SLCO4A1: variants seen among roughly 807,000 people sequenced by gnomAD.
SLCO4A1 encodes solute carrier organic anion transporter family member 4A1, also known as colon organic anion transporter.
Under a neutral mutation model 64.6 loss-of-function variants are expected in SLCO4A1, and 51 were observed. The ratio of observed to expected loss-of-function variants is 0.79; its 90% confidence interval spans 0.63 to 1.00. SLCO4A1 has a LOEUF of 1.00. SLCO4A1 is among the 50% of genes least tolerant of loss of function. SLCO4A1 has a pLI of 0.00. For missense variants in SLCO4A1, 919 were observed against 980.5 expected (o/e 0.94, Z 0.84); for synonymous variants, 471 against 444.9 (o/e 1.06, Z -0.74).
rs192519907 is a variant in SLCO4A1 at position 62,664,905 on chromosome 20, C to T, written c.1122-29C>T. 5 of 1,563,090 alleles carry T rather than the reference C, an allele frequency of 3.2e-6. 1 individual carries two copies. In the South Asian group the frequency reaches 4.9e-5, roughly 15 times the overall value. ...TCTGCCCACCACTCTGACCCTCAGT[C>T]TCTTCTCCACACCCCCACCTCTGCC... On this transcript the variant is annotated intron_variant, in intron 5 of 11. Coordinates refer to ENST00000217159, the MANE Select transcript of SLCO4A1 (RefSeq NM_016354.4).
chr20:62,667,958 G>T (rs778133554), intron 8 of SLCO4A1, 48 bp downstream of exon 8: 1 of 1,614,008 alleles, frequency 6.2e-7, no homozygotes, highest in South Asian at 1.1e-5. Flanking sequence ...TGGACCCTGG[G>T]AAGGGGCCCC....
rs1400521431 is a variant in SLCO4A1 at position 62,661,109 on chromosome 20, T to A, written c.1055T>A (p.Leu352Ter). The part of the protein sequence containing the change: ...AVMRAAEMHQ[L>*]KDSSRGEASN... ...ATGAGAGCGGCGGAAATGCACCAGT[T>A]GAAGGACAGCAGCCGTGGGGAGGCG... Residue 352 changes from leucine to a stop codon, truncating the protein, a stop_gained, in exon 5 of 12, where the codon TTG becomes TAG. Coordinates refer to ENST00000217159, the MANE Select transcript of SLCO4A1 (RefSeq NM_016354.4). LOFTEE classifies it high-confidence loss of function. The surrounding 1 kb of genome is among the most constrained non-coding windows in gnomAD (Gnocchi z 5.2). 5 of 1,555,544 alleles carry A rather than the reference T, an allele frequency of 3.2e-6. No homozygotes were observed. The highest frequency in any genetic ancestry group is 3.5e-6 in the Non-Finnish European group (4 of 1,143,184).
At chr20:62,675,323 G>A (rs1555919538), downstream of SLCO4A1, among the ~76,000 whole-genome samples, 1 of 152,124 alleles carries the variant, frequency 6.6e-6, no homozygotes, top group Non-Finnish European at 1.5e-5. Context: ...CCCTTCCCAG[G>A]TCCAGGAGGG....
At chr20:62,650,164 T>A (rs1982201646) in intron 1 of SLCO4A1, 2 of 152,260 alleles carry the variant, frequency 1.3e-5, no homozygotes, top group Admixed American at 1.3e-4. Context: ...AGGGACCAGC[T>A]TGGGAAGCTG....
rs1981018711 is a variant in SLCO4A1, at chr20:62,644,791, G to A, written c.-97+2238G>A. Among the ~76,000 whole-genome samples the A allele has an allele frequency of 6.6e-6, 1 of 152,242 alleles. No individual in the cohort carries two copies. The highest frequency in any genetic ancestry group is 2.4e-5 in the African/African-American group (1 of 41,472). ...CCTGGCTTCCTGGACTCGTCCACTG[G>A]AACGTGTTGGGTCCTGGTGCTCTCC... On this transcript the variant is annotated intron_variant, in intron 1 of 11. Coordinates refer to ENST00000217159, the MANE Select transcript of SLCO4A1 (RefSeq NM_016354.4). The surrounding 1 kb of genome is among the most constrained non-coding windows in gnomAD (Gnocchi z 5.4).
intron 10 of SLCO4A1, 71 bp from the exon 11 acceptor site, chr20:62,668,859 C>T (rs1986844419): frequency 6.7e-7 from 1 of 1,501,152 alleles, no homozygotes; most frequent in South Asian, 1.2e-5. Context: ...TTCCAGGCCT[C>T]TTGGCTGCCT....
chr20:62,661,425 G>A lies in SLCO4A1; in HGVS notation c.1121+250G>A, dbSNP rs768198694. ...GCCGGGGCCTCGGCCCGCACCCAGG[G>A]AGCCATCACTTCACTCATACAGTGT... On this transcript the variant is annotated intron_variant, in intron 5 of 11. Coordinates refer to ENST00000217159, the MANE Select transcript of SLCO4A1 (RefSeq NM_016354.4). This position sits in a 1 kb window ranked among gnomAD's most constrained non-coding sequence, Gnocchi z 5.2. Among the ~76,000 whole-genome samples, 3 of 152,212 alleles carry A rather than the reference G, an allele frequency of 2.0e-5. No homozygotes were observed. Among genetic ancestry groups the A allele is most frequent in the Non-Finnish European group, 2.9e-5 (2 of 67,990 alleles).
At chr20:62,688,422 C>A (rs1311566271), downstream of SLCO4A1, among the ~76,000 whole-genome samples, 1 of 152,212 alleles carries the variant, frequency 6.6e-6, no homozygotes, top group African/African-American at 2.4e-5. Flanking sequence ...ACCCTGCTCA[C>A]CCCAACCCCG....
At chr20:62,677,537 G>A (rs1458159972) in intron 2 of SLCO4A1, among the ~76,000 whole-genome samples, 1 of 150,808 alleles carries the variant, frequency 6.6e-6, no homozygotes, top group African/African-American at 2.4e-5. Flanking sequence ...GCAGAAAGGG[G>A]GCTTGAGACC....
chr20:62,681,804 C>A lies in SLCO4A1; in HGVS notation n.212-3637C>A, dbSNP rs959461541. 2.9e-4 allele frequency among the ~76,000 whole-genome samples: 44 copies of A among 152,142 alleles called. 1 individual carries two copies. Among genetic ancestry groups the A allele is most frequent in the Middle Eastern group, 3.4e-3 (1 of 294 alleles). The stretch of plus-strand genomic sequence containing the variant: ...TGAAGACATCTAGGCCCGGAGATTT[C>A]TTTTTCAGAAGGTCTCACTGAAAAA... On this transcript the variant is annotated intron_variant and non_coding_transcript_variant, in intron 2 of 2. Transcript: ENST00000466818.
intron 5 of SLCO4A1, chr20:62,663,175 C>T (rs915041588): frequency 4.6e-5 from 7 of 152,220 alleles, no homozygotes; most frequent in Non-Finnish European, 8.8e-5. Context: ...GAGTTTCTGA[C>T]GCCAACATCA....
At chr20:62,669,164 AC>A in intron 11 of SLCO4A1, 86 bp downstream of exon 11, 1 of 1,324,564 alleles carries the variant, frequency 7.5e-7, no homozygotes, top group Non-Finnish European at 1.1e-6. Flanking sequence ...AGCAGCTTGG[AC>A]CACAGCCTAG....
intron 1 of SLCO4A1, among the ~76,000 whole-genome samples, chr20:62,652,743 C>T (rs896019269): frequency 1.2e-4 from 18 of 152,208 alleles, no homozygotes; most frequent in Admixed American, 2.0e-4. Context: ...AATAAACCCC[C>T]GGGTGTGGCC....
intron 2 of SLCO4A1, among the ~76,000 whole-genome samples, chr20:62,677,338 C>T (rs543607090): frequency 6.6e-6 from 1 of 152,354 alleles, no homozygotes; most frequent in African/African-American, 2.4e-5. Flanking sequence ...TCCATGCATT[C>T]ATCGCTGACT....
intron 2 of SLCO4A1, among the ~76,000 whole-genome samples, chr20:62,683,733 G>A (rs868418793): frequency 2.3e-4 from 35 of 152,272 alleles, no homozygotes; most frequent in Middle Eastern, 6.8e-3. Flanking sequence ...TGTCGTGGGC[G>A]ACACCGTCTG....
rs1188708550 is a variant in SLCO4A1, at chr20:62,645,950, G to A, written c.-97+3397G>A. Among the ~76,000 whole-genome samples the A allele has an allele frequency of 1.3e-5, 2 of 152,104 alleles. No homozygotes were observed. Among genetic ancestry groups the A allele is most frequent in the African/African-American group, 2.4e-5 (1 of 41,424 alleles). ...TCCAGTCTGCCCCAGGCTCACTTGG[G>A]GCCCTTGCATTTGCCACTGGACTCT... is the stretch of plus-strand genomic sequence containing the variant. On this transcript the variant is annotated intron_variant, in intron 1 of 11. Transcript: ENST00000217159. The surrounding 1 kb of genome is among the most constrained non-coding windows in gnomAD (Gnocchi z 4.2).
chr20:62,646,190 G>A (rs1350427576), intron 1 of SLCO4A1, among the ~76,000 whole-genome samples: 1 of 152,110 alleles, frequency 6.6e-6, no homozygotes, highest in African/African-American at 2.4e-5. Flanking sequence ...CCTCTGAGCT[G>A]CCCGCCCTTC....
chr20:62,658,436 C>T (rs1465894804), intron 2 of SLCO4A1, among the ~76,000 whole-genome samples: 1 of 152,250 alleles, frequency 6.6e-6, no homozygotes, highest in African/African-American at 2.4e-5. Flanking sequence ...GGCCTTTGCC[C>T]TTTCGTAAGG....
rs1047719516 is a variant in SLCO4A1, at chr20:62,645,408, T to G, written c.-97+2855T>G. The stretch of plus-strand genomic sequence containing the variant: ...ACCTGGTCCTGGGGACCCTGCTGCC[T>G]TCTCTGGCCCCTGCTGGCCCTTCAG... On this transcript the variant is annotated intron_variant, in intron 1 of 11. Coordinates refer to ENST00000217159, the MANE Select transcript of SLCO4A1 (RefSeq NM_016354.4). This position sits in a 1 kb window ranked among gnomAD's most constrained non-coding sequence, Gnocchi z 4.2. 2.0e-5 allele frequency among the ~76,000 whole-genome samples: 3 copies of G among 151,076 alleles called. No homozygotes were observed. Among genetic ancestry groups the G allele is most frequent in the African/African-American group, 7.3e-5 (3 of 41,110 alleles).
Sources: gnomAD v4.1 joint callset for allele counts (sites outside exome capture counted in the v4.1 genomes callset) on GRCh38, gnomAD v4.1.1 for gene constraint, Gnocchi (gnomAD v3.1) non-coding constraint, MANE v1.5 for transcripts, NCBI Gene and HGNC (gene_info 2026-07-23, HGNC 2026-07-21) for gene names.